The following CEP85L variants were observed in gnomAD, a reference collection of about 807,000 sequenced individuals.
CEP85L encodes centrosomal protein of 85 kDa-like.
A neutral mutation model predicts 100.3 loss-of-function variants in CEP85L; 60 were observed. That is an observed-to-expected ratio of 0.60 (90% CI 0.49 to 0.74). The LOEUF is 0.74. Among genes scored for constraint, CEP85L ranks in the 30% least tolerant of loss-of-function variants. CEP85L has a pLI of 0.00. For synonymous variants in CEP85L, 319 were observed against 322.7 expected (o/e 0.99, Z 0.12); for missense variants, 973 against 936.2 (o/e 1.04, Z -0.51).
intron 6 of CEP85L, among the ~76,000 whole-genome samples, chr6:118,487,033 A>G (rs1378861678): frequency 6.6e-6 from 1 of 152,178 alleles, no homozygotes; most frequent in African/African-American, 2.4e-5. Context: ...ATAAAAAATA[A>G]TGATTATACA....
In CEP85L at chr6:118,464,862, C is replaced by T. The variant is rs1006618970; in HGVS notation, c.*543G>A. 2.0e-5 allele frequency: 3 copies of T among 152,316 alleles called. No individual in the cohort carries two copies. Among genetic ancestry groups the T allele is most frequent in the African/African-American group, 7.2e-5 (3 of 41,434 alleles). The allele number at this position is 152,316 out of a possible 1,614,324, so 9.4% of individuals were successfully genotyped here. ...TAAATGGTTTTGCCTCCTGTACTAC[C>T]ATGACAACACTTGCCTGCTGTTTGA... is the stretch of plus-strand genomic sequence containing the variant. On this transcript the variant is annotated 3_prime_UTR_variant, in exon 13 of 13. Transcript: ENST00000368491.
chr6:118,606,161 T>C (rs904171519), intron 2 of CEP85L, among the ~76,000 whole-genome samples: 7 of 152,128 alleles, frequency 4.6e-5, no homozygotes, highest in Admixed American at 4.6e-4. Flanking sequence ...AGCTTGTCTA[T>C]CCATTTTTAC....
At chr6:118,526,122 T>C (rs533957019) in intron 3 of CEP85L, among the ~76,000 whole-genome samples, 16 of 152,238 alleles carry the variant, frequency 1.1e-4, no homozygotes, top group Non-Finnish European at 2.1e-4. Context: ...CACATAGTGT[T>C]ACAGGGGCAG....
intron 2 of CEP85L, among the ~76,000 whole-genome samples, chr6:118,574,395 G>A (rs1780092783): frequency 6.6e-6 from 1 of 152,206 alleles, no homozygotes; most frequent in Non-Finnish European, 1.5e-5. Flanking sequence ...TTTGTTCAAT[G>A]TGCTCTTGCG....
At chr6:118,527,444 G>A (rs1403638660) in intron 3 of CEP85L, among the ~76,000 whole-genome samples, 2 of 152,048 alleles carry the variant, frequency 1.3e-5, no homozygotes, top group Admixed American at 1.3e-4. Flanking sequence ...CTAATTAGGT[G>A]TTCCAAATTT....
chr6:118,670,911 T>G (rs763733440), intron 1 of CEP85L, among the ~76,000 whole-genome samples: 6 of 151,768 alleles, frequency 4.0e-5, no homozygotes, highest in African/African-American at 1.2e-4. Context: ...CTTTTGGTGC[T>G]GAGGATACTG....
At chr6:118,545,551 C>T (rs1778149543) in intron 3 of CEP85L, among the ~76,000 whole-genome samples, 1 of 152,148 alleles carries the variant, frequency 6.6e-6, no homozygotes, top group Non-Finnish European at 1.5e-5. Flanking sequence ...TCGCACCATT[C>T]ACTCGGGGCT....
Position 118,705,266 on chromosome 6 carries a change from T to C in CEP85L, c.-28+4770A>G, listed in dbSNP as rs760203401. ...CAGCAGAGATGCATACCCTCTCATA[T>C]CCTGCCTTTTCTTATTAGATTTTGG... On this transcript the variant is annotated intron_variant, in intron 1 of 13. Transcript: ENST00000368488. 5.1e-4 allele frequency among the ~76,000 whole-genome samples: 77 copies of C among 152,338 alleles called. No homozygotes were observed. The Middle Eastern group carries it at 0.014, about 27-fold the overall frequency.
At chr6:118,674,488 T>C (rs886516811) in intron 1 of CEP85L, among the ~76,000 whole-genome samples, 7 of 150,360 alleles carry the variant, frequency 4.7e-5, no homozygotes, top group Admixed American at 6.6e-5. Context: ...TGCGCCACTG[T>C]ACTCCAGCCT....
At chr6:118,563,074 G>T (rs897544840) in intron 3 of CEP85L, among the ~76,000 whole-genome samples, 8 of 152,282 alleles carry the variant, frequency 5.3e-5, no homozygotes, top group Middle Eastern at 6.8e-3. Flanking sequence ...GTTGCAGGGG[G>T]TGGGTAGCAT....
chr6:118,601,352 G>A (rs1480791257), intron 2 of CEP85L, among the ~76,000 whole-genome samples: 1 of 152,158 alleles, frequency 6.6e-6, no homozygotes. Flanking sequence ...TACTTTTTGA[G>A]AAGGAAGGGC....
chr6:118,590,172 T>A (rs538555640), intron 2 of CEP85L, among the ~76,000 whole-genome samples: 1 of 152,116 alleles, frequency 6.6e-6, no homozygotes, highest in African/African-American at 2.4e-5. Flanking sequence ...CAACATGCAC[T>A]CCCTGCTGCA....
At chr6:118,618,900 A>C (rs775982204) in intron 2 of CEP85L, among the ~76,000 whole-genome samples, 29 of 152,148 alleles carry the variant, frequency 1.9e-4, no homozygotes, top group Non-Finnish European at 3.8e-4. Flanking sequence ...GCCACCCCAG[A>C]ACAGATAGGA....
intron 2 of CEP85L, chr6:118,589,668 G>T: frequency 7.0e-6 from 2 of 287,554 alleles, no homozygotes; most frequent in South Asian, 8.7e-5. Flanking sequence ...GCAAGCCCAT[G>T]ATGAGAAGCA....
intron 2 of CEP85L, among the ~76,000 whole-genome samples, chr6:118,577,214 T>A (rs1210170184): frequency 1.3e-5 from 2 of 152,184 alleles, no homozygotes; most frequent in Non-Finnish European, 2.9e-5. Context: ...CTAAGCCTTT[T>A]CAACAGCTAA....
At position 118,491,863 on chromosome 6, in the gene CEP85L, T is replaced by C. The variant is rs971173201; in HGVS notation, c.1260A>G (p.Pro420=). 2 of 1,584,422 alleles carry C rather than the reference T, an allele frequency of 1.3e-6. No homozygotes were observed. The highest frequency in any genetic ancestry group is 8.6e-7 in the Non-Finnish European group (1 of 1,168,952). The change falls in exon 6 of 13, where the codon CCA becomes CCG. Residue 420 remains proline, a splice_region_variant and synonymous_variant. Coordinates refer to ENST00000368491, the MANE Select transcript of CEP85L (RefSeq NM_001042475.3). Reference sequence around the variant, plus strand: ...TCTGGAGTGAAGTGTTCTCATATTGTGGCTGTTAGGAAAGAAAAAAAGGAG... The same window carrying C: ...TCTGGAGTGAAGTGTTCTCATATTGCGGCTGTTAGGAAAGAAAAAAAGGAG... ...CEDSYVASLQ[P]QYENTSLQTP...
chr6:118,704,612 A>G (rs969852276), intron 1 of CEP85L, among the ~76,000 whole-genome samples: 2 of 152,182 alleles, frequency 1.3e-5, no homozygotes, highest in African/African-American at 4.8e-5. Context: ...CTGGGATTGC[A>G]GGCACCCGCC....
rs760146136 is a variant in CEP85L at position 118,534,447 on chromosome 6, G to A, written c.1021-10527C>T. Among the ~76,000 whole-genome samples, 3 of 152,036 alleles carry A rather than the reference G, an allele frequency of 2.0e-5. No homozygotes were observed. The South Asian group carries it at 6.2e-4, about 32-fold the overall frequency. On this transcript the variant is annotated intron_variant, in intron 3 of 12. Coordinates refer to ENST00000368491, the MANE Select transcript of CEP85L (RefSeq NM_001042475.3). ...GTGGGCGGATCATCTGAGGTAAGGA[G>A]TTCGAGACCAGCCTGTCAAACATGG...
At chr6:118,636,314 T>C (rs576390091) in intron 1 of CEP85L, among the ~76,000 whole-genome samples, 19 of 152,318 alleles carry the variant, frequency 1.2e-4, no homozygotes, top group African/African-American at 4.6e-4. Flanking sequence ...AGAGTACATA[T>C]CAGCAAGCCA....
Sources: allele counts gnomAD v4.1 joint callset (sites outside exome capture counted in the v4.1 genomes callset), GRCh38; gene constraint gnomAD v4.1.1; transcripts MANE v1.5; gene names NCBI Gene and HGNC (gene_info 2026-07-23, HGNC 2026-07-21).